Variants in CALN1 observed in about 807,000 individuals in gnomAD.
CALN1 encodes the protein calcium-binding protein 8.
A neutral mutation model predicts 30.6 loss-of-function variants in CALN1; 17 were observed. That is an observed-to-expected ratio of 0.56 (90% CI 0.38 to 0.83). The LOEUF (loss-of-function observed/expected upper bound fraction) is 0.83. Ranked by LOEUF, CALN1 falls within the 40% of genes least tolerant of loss-of-function variation. CALN1 has a pLI of 0.00. For synonymous variants in CALN1, 156 were observed against 131.4 expected, an observed-to-expected ratio of 1.19 and a Z score of -1.28; for missense variants, 291 against 354.9, an observed-to-expected ratio of 0.82 and a Z score of 1.45.
the CALN1 span, among the ~76,000 whole-genome samples, chr7:72,454,080 A>AGGG: frequency 6.6e-6 from 1 of 151,964 alleles, no homozygotes; most frequent in Non-Finnish European, 1.5e-5. Flanking sequence ...TTGTTATCTA[A>AGGG]TTGTGTTAGG....
intron 2 of CALN1, among the ~76,000 whole-genome samples, chr7:72,384,218 C>T (rs1160292017): frequency 6.6e-6 from 1 of 152,124 alleles, no homozygotes; most frequent in Non-Finnish European, 1.5e-5. Flanking sequence ...TTACATAAAA[C>T]TGTCTCTGAG....
intron 5 of CALN1, among the ~76,000 whole-genome samples, chr7:71,847,708 GAAAGAAGAAA>G (rs1212562346): frequency 6.0e-4 from 67 of 111,632 alleles, no homozygotes; most frequent in South Asian, 1.7e-3. Context: ...GAAGAAAGAA[GAAAGAAGAAA>G]GAAGAAGAAA....
At chr7:72,500,831 C>A in the CALN1 span, among the ~76,000 whole-genome samples, 1 of 151,846 alleles carries the variant, frequency 6.6e-6, no homozygotes, top group Non-Finnish European at 1.5e-5. Flanking sequence ...TCCAGATTCA[C>A]TGTGTATTAA....
intron 5 of CALN1, among the ~76,000 whole-genome samples, chr7:71,949,040 C>G (rs1245140945): frequency 2.9e-5 from 2 of 69,732 alleles, no homozygotes; most frequent in Non-Finnish European, 4.8e-5. Flanking sequence ...AAGACTCTGT[C>G]TCTTAAAAAA....
At chr7:72,083,896 A>G (rs921621028) in intron 4 of CALN1, among the ~76,000 whole-genome samples, 1 of 151,940 alleles carries the variant, frequency 6.6e-6, no homozygotes, top group Non-Finnish European at 1.5e-5. Flanking sequence ...CCTTAAAGAC[A>G]GTCAATGGGA....
At chr7:72,437,658 TTTTC>T (rs10653402) in intron 1 of CALN1, among the ~76,000 whole-genome samples, 12 of 140,922 alleles carry the variant, frequency 8.5e-5, no homozygotes, top group Admixed American at 2.9e-4. Context: ...TCTTTCTTTC[TTTTC>T]TTTCTTTCTT....
At chr7:72,212,655 G>C (rs1041113214) in intron 3 of CALN1, among the ~76,000 whole-genome samples, 4 of 151,348 alleles carry the variant, frequency 2.6e-5, no homozygotes, top group Admixed American at 1.3e-4. Context: ...TCACTACAAA[G>C]AATAAAAAAT....
At chr7:72,160,414 G>A (rs1032331000) in intron 3 of CALN1, among the ~76,000 whole-genome samples, 2 of 151,960 alleles carry the variant, frequency 1.3e-5, no homozygotes, top group African/African-American at 4.8e-5. Context: ...GAGTAGCTGG[G>A]ATTACAGGCA....
At position 72,344,909 on chromosome 7, in the gene CALN1, A is replaced by G. The variant is rs536861867; in HGVS notation, c.119+58342T>C. On this transcript the variant is annotated intron_variant, in intron 2 of 6. Transcript: ENST00000395275. ...ATAGCATATATTTATATCATATATA[A>G]ATGTATATGTGAACATATATTTATT... 8.8e-5 allele frequency among the ~76,000 whole-genome samples: 13 copies of G among 147,618 alleles called. No homozygotes were observed. The South Asian group carries it at 2.7e-3, about 31-fold the overall frequency.
chr7:71,863,662 G>A (rs768897942), intron 5 of CALN1, among the ~76,000 whole-genome samples: 5 of 151,540 alleles, frequency 3.3e-5, no homozygotes, highest in African/African-American at 1.2e-4. Flanking sequence ...GCAAAACAAC[G>A]GAATTACTAT....
intron 3 of CALN1, among the ~76,000 whole-genome samples, chr7:72,239,010 C>T (rs1794663672): frequency 1.3e-5 from 2 of 152,216 alleles, no homozygotes; most frequent in South Asian, 2.1e-4. Flanking sequence ...CCACCTTAAA[C>T]AGCCTGACTC....
intron 5 of CALN1, among the ~76,000 whole-genome samples, chr7:71,982,912 C>T (rs187243394): frequency 2.4e-4 from 37 of 152,286 alleles, no homozygotes; most frequent in Non-Finnish European, 4.4e-5. Context: ...TCCAACATGG[C>T]GGCTCCATCT....
the CALN1 span, among the ~76,000 whole-genome samples, chr7:72,484,767 C>T: frequency 1.3e-5 from 2 of 152,336 alleles, no homozygotes; most frequent in African/African-American, 4.8e-5. Context: ...TGCCTGAGTA[C>T]TCTCAGAGAA....
chr7:71,987,102 G>C (rs117891853), intron 5 of CALN1, among the ~76,000 whole-genome samples: 2 of 151,766 alleles, frequency 1.3e-5, no homozygotes, highest in African/African-American at 2.4e-5. Flanking sequence ...CTCCAGCCTC[G>C]GTGACAGAGC....
chr7:72,329,875 A>G (rs952223941), intron 2 of CALN1, among the ~76,000 whole-genome samples: 4 of 152,166 alleles, frequency 2.6e-5, no homozygotes, highest in African/African-American at 9.7e-5. Context: ...AATCGTTTGA[A>G]TCCTGGAGGC....
chr7:71,861,807 G>A (rs1303063494), intron 5 of CALN1, among the ~76,000 whole-genome samples: 3 of 148,582 alleles, frequency 2.0e-5, no homozygotes, highest in Non-Finnish European at 3.0e-5. Context: ...AAAAGAGAGA[G>A]AGAGTAATGT....
At chr7:72,411,554 G>C (rs374316849) in intron 1 of CALN1, among the ~76,000 whole-genome samples, 5 of 152,158 alleles carry the variant, frequency 3.3e-5, no homozygotes, top group Non-Finnish European at 7.3e-5. Flanking sequence ...AAGACGTCAA[G>C]GTAATAAAAC....
At chr7:71,994,511 CAAAAA>C (rs367725464) in intron 5 of CALN1, among the ~76,000 whole-genome samples, 1 of 44,056 alleles carries the variant, frequency 2.3e-5, no homozygotes, top group Non-Finnish European at 4.8e-5. Flanking sequence ...GACTTCATCT[CAAAAA>C]AAAAAAAAAA....
At chr7:72,287,269 G>C (rs1287545494) in intron 2 of CALN1, among the ~76,000 whole-genome samples, 1 of 151,708 alleles carries the variant, frequency 6.6e-6, no homozygotes, top group Non-Finnish European at 1.5e-5. Context: ...TTTTAAATTT[G>C]TCCAGATTTT....
Sources: gnomAD v4.1 joint callset for allele counts (sites outside exome capture counted in the v4.1 genomes callset) on GRCh38, gnomAD v4.1.1 for gene constraint, MANE v1.5 for transcripts, NCBI Gene and HGNC (gene_info 2026-07-23, HGNC 2026-07-21) for gene names.